SYNE2: variants seen among roughly 807,000 people sequenced by gnomAD.
SYNE2 encodes spectrin repeat containing nuclear envelope protein 2, also known as nesprin-2.
Under a neutral mutation model 856.3 loss-of-function variants are expected in SYNE2, and 431 were observed. That is an observed-to-expected ratio of 0.50 (90% CI 0.47 to 0.55). SYNE2 has a LOEUF of 0.55. Ranked by LOEUF, SYNE2 falls within the 20% of genes least tolerant of loss-of-function variation. The pLI is 0.00. For missense variants in SYNE2, 8,129 were observed against 8,023.2 expected, an observed-to-expected ratio of 1.01 and a Z score of -0.50; for synonymous variants, 2,923 against 2,872.3, an observed-to-expected ratio of 1.02 and a Z score of -0.56.
At chr14:63,882,362 C>A (rs764731816) in intron 1 of SYNE2, among the ~76,000 whole-genome samples, 49 of 151,990 alleles carry the variant, frequency 3.2e-4, no homozygotes, top group Admixed American at 9.2e-4. Context: ...TTGTATTTAT[C>A]AGGTCAAGGA....
intron 99 of SYNE2, among the ~76,000 whole-genome samples, chr14:64,194,777 A>T (rs1004395014): frequency 3.3e-5 from 5 of 152,200 alleles, no homozygotes; most frequent in Admixed American, 2.0e-4. Context: ...AGACAGAAAG[A>T]TGCAAGGTTA....
Position 64,214,284 on chromosome 14 carries a change from G to A in SYNE2, c.19147G>A (p.Glu6383Lys), listed in dbSNP as rs1567666312. Residue 6383 changes from glutamate (E) to lysine (K), a missense_variant, in exon 106 of 116, where the codon GAG becomes AAG. Transcript: ENST00000555002. The part of the protein sequence containing the change: ...IQTDSWRKRG[E>K]SEEPSSPQSL... ...GACTGATTCTTGGCGTAAACGGGGA[G>A]AGAGCGAGGAACCGTCATCTCCTCA... 1 of 1,614,162 alleles carries A rather than the reference G, an allele frequency of 6.2e-7. No individual in the cohort carries two copies. The highest frequency in any genetic ancestry group is 8.5e-7 in the Non-Finnish European group (1 of 1,180,024).
At chr14:63,782,914 T>G (rs1887369203) in intron 1 of SYNE2, among the ~76,000 whole-genome samples, 1 of 152,116 alleles carries the variant, frequency 6.6e-6, no homozygotes, top group Non-Finnish European at 1.5e-5. Context: ...TTAATTAATA[T>G]AAAATATTAA....
At chr14:63,831,854 G>T (rs1889679896) in intron 1 of SYNE2, among the ~76,000 whole-genome samples, 1 of 151,778 alleles carries the variant, frequency 6.6e-6, no homozygotes, top group South Asian at 2.1e-4. Context: ...TGAATATAAT[G>T]TTCATTCTTC....
At chr14:64,072,602 C>T (rs780542839) in intron 52 of SYNE2, among the ~76,000 whole-genome samples, 48 of 152,034 alleles carry the variant, frequency 3.2e-4, no homozygotes, top group African/African-American at 1.0e-3. Flanking sequence ...TGAGTTCAAG[C>T]GATTCTCCTG....
chr14:64,141,890 A>G, intron 81 of SYNE2, 52 bp from the exon 82 acceptor site: 1 of 1,603,586 alleles, frequency 6.2e-7, no homozygotes, highest in East Asian at 2.2e-5. Flanking sequence ...TGATGCTCTG[A>G]TTCATTTTGT....
At chr14:64,201,611 C>T (rs1293664213) in intron 99 of SYNE2, among the ~76,000 whole-genome samples, 1 of 152,164 alleles carries the variant, frequency 6.6e-6, no homozygotes, top group African/African-American at 2.4e-5. Context: ...GTGGATCAGA[C>T]TTGCCTTCTA....
intron 98 of SYNE2, among the ~76,000 whole-genome samples, chr14:64,189,348 A>C (rs1239383474): frequency 6.6e-6 from 1 of 151,782 alleles, no homozygotes; most frequent in African/African-American, 2.4e-5. Context: ...AAAAAAAAAG[A>C]AGCTCCCCTT....
chr14:64,025,188 G>A lies in SYNE2; in HGVS notation c.6019G>A (p.Glu2007Lys). Residue 2007 changes from glutamate to lysine, a missense_variant, in exon 41 of 116, where the codon GAA becomes AAA. Glu to Lys is a moderately conservative substitution (Grantham distance 56, BLOSUM62 1). This residue lies in a region of SYNE2 where 2,422 missense variants were observed against 2,357.4 expected (regional missense o/e 1.03). Transcript: ENST00000555002. Reference protein sequence around the residue: ...NNSLKEYGFTEEEEIIMEATC... With the variant: ...NNSLKEYGFTKEEEIIMEATC... ...CTCTTTGAAGGAATATGGGTTTACT[G>A]AAGAAGAAGAAATAATAATGGAAGC... is the stretch of plus-strand genomic sequence containing the variant. The A allele has an allele frequency of 6.2e-7, 1 of 1,614,076 alleles. No homozygotes were observed. Among genetic ancestry groups the A allele is most frequent in the Non-Finnish European group, 8.5e-7 (1 of 1,179,964 alleles).
rs761684738 is a variant in SYNE2, at chr14:64,220,615, G to C, written c.20039G>C (p.Arg6680Pro). 1 of 1,613,904 alleles carries C rather than the reference G, an allele frequency of 6.2e-7. No individual in the cohort carries two copies. Residue 6680 changes from arginine to proline, a missense_variant, in exon 111 of 116, where the codon CGA becomes CCA. Arg to Pro is a moderately radical substitution (Grantham distance 103). This residue lies in a region of SYNE2 where 5,410 missense variants were observed against 5,284.8 expected (regional missense o/e 1.02). Transcript: ENST00000555002. ...GTGGACAGCTGGAGAGGGGGCTTAC[G>C]ACAGTCGCTCATGCAGTGCCAGGTA... ...GAVDSWRGGL[R>P]QSLMQCQDFH...
At chr14:63,945,789 T>C (rs1009433098) in intron 6 of SYNE2, among the ~76,000 whole-genome samples, 1 of 152,144 alleles carries the variant, frequency 6.6e-6, no homozygotes, top group African/African-American at 2.4e-5. Flanking sequence ...TATGCCCAGC[T>C]AATTCTGTAT....
At chr14:63,901,037 T>C (rs2095330555) in intron 1 of SYNE2, among the ~76,000 whole-genome samples, 1 of 152,240 alleles carries the variant, frequency 6.6e-6, no homozygotes, top group African/African-American at 2.4e-5. Flanking sequence ...ACGTGAATGC[T>C]ACATCTGTTA....
At chr14:63,883,368 AT>A (rs2140722642) in intron 1 of SYNE2, among the ~76,000 whole-genome samples, 1 of 150,638 alleles carries the variant, frequency 6.6e-6, no homozygotes, top group East Asian at 2.0e-4. Context: ...CTATTTATTC[AT>A]TTATTAAAGT....
intron 85 of SYNE2, among the ~76,000 whole-genome samples, chr14:64,156,659 A>G (rs1162857226): frequency 6.6e-6 from 1 of 151,712 alleles, no homozygotes; most frequent in Non-Finnish European, 1.5e-5. Context: ...GGGTTTCACC[A>G]TGTTGACCAG....
intron 52 of SYNE2, among the ~76,000 whole-genome samples, chr14:64,072,998 G>T (rs2097424628): frequency 6.6e-6 from 1 of 152,116 alleles, no homozygotes; most frequent in Non-Finnish European, 1.5e-5. Flanking sequence ...TATAGGAAGG[G>T]GCCTGGGGCT....
At chr14:64,130,370 A>T in intron 76 of SYNE2, 122 bp downstream of exon 76, 1 of 915,848 alleles carries the variant, frequency 1.1e-6, no homozygotes. Context: ...CATTCTTTTA[A>T]TAAACATCTA....
chr14:64,212,200 A>G, intron 104 of SYNE2, 102 bp downstream of exon 104: 1 of 1,584,896 alleles, frequency 6.3e-7, no homozygotes. Flanking sequence ...AGCAAATTTC[A>G]GAATTCTTAA....
chr14:64,224,966 C>A, intron 114 of SYNE2, 33 bp from the exon 115 acceptor site: 1 of 1,604,636 alleles, frequency 6.2e-7, no homozygotes, highest in Non-Finnish European at 8.5e-7. Context: ...AAACTGTCTT[C>A]AACTTACTAA....
At chr14:63,886,314 C>G (rs914415275) in intron 1 of SYNE2, among the ~76,000 whole-genome samples, 1 of 152,108 alleles carries the variant, frequency 6.6e-6, no homozygotes, top group Non-Finnish European at 1.5e-5. Context: ...TAATGGTCCT[C>G]TTTTGGCTTT....
Sources: allele counts gnomAD v4.1 joint callset (sites outside exome capture counted in the v4.1 genomes callset), GRCh38; gene constraint gnomAD v4.1.1; regional missense constraint gnomAD v4.1.1; transcripts MANE v1.5; gene names NCBI Gene and HGNC (gene_info 2026-07-23, HGNC 2026-07-21).